EPHA8: variants seen among roughly 807,000 people sequenced by gnomAD.
The protein encoded by EPHA8 is EPH receptor A8.
Under a neutral mutation model 103.6 loss-of-function variants are expected in EPHA8, and 58 were observed. The ratio of observed to expected loss-of-function variants is 0.56; its 90% CI spans 0.45 to 0.70. The LOEUF (loss-of-function observed/expected upper bound fraction) is 0.70, where lower values mean the gene tolerates loss of function less well. Ranked by LOEUF, EPHA8 falls within the 30% of genes least tolerant of loss-of-function variation. The probability of loss-of-function intolerance (pLI) is 0.00; values close to 1 mark genes in which losing one functional copy is unlikely to be tolerated. For missense variants in EPHA8, 1,304 were observed against 1,395.2 expected (o/e 0.93, Z 1.04); for synonymous variants, 559 against 572.5 (o/e 0.98, Z 0.34).
At position 22,597,807 on chromosome 1, in the gene EPHA8, A is replaced by T; in HGVS notation, c.2062A>T (p.Met688Leu). ...RRDFLSEASIMGQFDHPNIIR... is the reference protein window; with the variant it reads ...RRDFLSEASILGQFDHPNIIR... The stretch of plus-strand genomic sequence containing the variant: ...GGACTTCCTGAGCGAGGCGTCCATC[A>T]TGGGGCAATTCGACCATCCCAACAT... Residue 688 changes from methionine (M) to leucine (L), a missense_variant, in exon 11 of 17, where the codon ATG (methionine) becomes TTG (leucine). Coordinates refer to ENST00000166244, the MANE Select transcript of EPHA8 (RefSeq NM_020526.5). The surrounding 1 kb of genome is among the most constrained non-coding windows in gnomAD (Gnocchi z 4.6). The T allele has an allele frequency of 6.2e-7, 1 of 1,613,142 alleles. No individual in the cohort carries two copies. Among genetic ancestry groups the T allele is most frequent in the Non-Finnish European group, 8.5e-7 (1 of 1,179,948 alleles).
Position 22,600,921 on chromosome 1 carries a change from G to T in EPHA8, c.2562G>T (p.Gly854=). 6.2e-7 allele frequency: 1 copy of T among 1,610,128 alleles called. No individual in the cohort carries two copies. The highest frequency in any genetic ancestry group is 8.5e-7 in the Non-Finnish European group (1 of 1,178,326). Reference sequence around the variant, plus strand: ...AGGTCATCAGCTCTGTGGAGGAGGGGTACCGCCTGCCCGCACCCATGGGCT... The same window carrying T: ...AGGTCATCAGCTCTGTGGAGGAGGGTTACCGCCTGCCCGCACCCATGGGCT... ...NRDVISSVEE[G]YRLPAPMGCP... Residue 854 remains glycine, a synonymous_variant, in exon 15 of 17, where the codon GGG becomes GGT. Coordinates refer to ENST00000166244, the MANE Select transcript of EPHA8 (RefSeq NM_020526.5).
intron 3 of EPHA8, among the ~76,000 whole-genome samples, chr1:22,585,046 T>TGCGCGCGC (rs887715708): frequency 6.2e-5 from 7 of 112,436 alleles, no homozygotes; most frequent in African/African-American, 9.7e-5. Context: ...TGTGTGTGTG[T>TGCGCGCGC]GTGTGCGCAC....
At chr1:22,585,259 AG>A (rs1225047481) in intron 3 of EPHA8, among the ~76,000 whole-genome samples, 2 of 152,120 alleles carry the variant, frequency 1.3e-5, no homozygotes, top group Non-Finnish European at 2.9e-5. Flanking sequence ...GCACTAAACA[AG>A]GCTCCAAGTG....
At chr1:22,594,611 G>A (rs1176393215) in intron 7 of EPHA8, among the ~76,000 whole-genome samples, 2 of 152,198 alleles carry the variant, frequency 1.3e-5, no homozygotes, top group Non-Finnish European at 2.9e-5. Flanking sequence ...AGGGTCTCCT[G>A]TATGTGCACC....
chr1:22,591,613 G>C (rs1397669912), intron 5 of EPHA8, among the ~76,000 whole-genome samples: 1 of 152,144 alleles, frequency 6.6e-6, no homozygotes, highest in Non-Finnish European at 1.5e-5. Context: ...ATGCAATTCA[G>C]ACATTCTCAT....
chr1:22,585,521 C>T (rs960280847), intron 3 of EPHA8, among the ~76,000 whole-genome samples: 7 of 152,250 alleles, frequency 4.6e-5, no homozygotes, highest in African/African-American at 1.7e-4. Flanking sequence ...CTTGTTCTCT[C>T]CCTCCCTCCT....
chr1:22,569,476 C>A lies in EPHA8; in HGVS notation c.159+123C>A. 2.0e-6 allele frequency: 2 copies of A among 975,930 alleles called. No individual in the cohort carries two copies. Among genetic ancestry groups the A allele is most frequent in the Non-Finnish European group, 3.0e-6 (2 of 662,720 alleles). 60.5% of individuals were successfully genotyped at this position (975,930 alleles called of 1,614,324 possible). A position where few individuals can be genotyped will look rare whatever the true frequency, so the allele number is the denominator to read the frequency against. On this transcript the variant is annotated intron_variant, in intron 2 of 16. Coordinates refer to ENST00000166244, the MANE Select transcript of EPHA8 (RefSeq NM_020526.5). The surrounding 1 kb of genome is among the most constrained non-coding windows in gnomAD (Gnocchi z 4.5). ...GCCCAGAGAGGTCAAGGGACTTACCCAAGGGCACACAGCAGTTAGTGCTGC... is the reference window on the plus strand; with the variant it reads ...GCCCAGAGAGGTCAAGGGACTTACCAAAGGGCACACAGCAGTTAGTGCTGC...
At chr1:22,592,424 A>T (rs1641398168) in intron 5 of EPHA8, among the ~76,000 whole-genome samples, 1 of 152,178 alleles carries the variant, frequency 6.6e-6, no homozygotes, top group African/African-American at 2.4e-5. Context: ...AGCTAGCAAG[A>T]GAGGGAGCCA....
chr1:22,570,311 T>TACAC (rs1557551083), intron 2 of EPHA8, among the ~76,000 whole-genome samples: 1 of 130,546 alleles, frequency 7.7e-6, no homozygotes, highest in Non-Finnish European at 1.6e-5. Flanking sequence ...CACGTGTGCG[T>TACAC]GTACACACAT....
Position 22,601,014 on chromosome 1 carries a change from C to T in EPHA8, c.2655C>T (p.Phe885=), listed in dbSNP as rs1641711322. The part of the protein sequence containing the change: ...WHKDRAQRPR[F]SQIVSVLDAL... ...AGGACCGGGCGCAGCGGCCTCGCTT[C>T]TCCCAGATTGTCAGTGTCCTCGATG... Residue 885 remains phenylalanine (F), a synonymous_variant, in exon 15 of 17, where the codon TTC becomes TTT. Coordinates refer to ENST00000166244, the MANE Select transcript of EPHA8 (RefSeq NM_020526.5). The T allele has an allele frequency of 6.2e-7, 1 of 1,612,844 alleles. No homozygotes were observed. The highest frequency in any genetic ancestry group is 1.7e-5 in the Admixed American group (1 of 60,000).
chr1:22,597,973 G>A lies in EPHA8; in HGVS notation c.2116+112G>A. ...CTGCCCCACCTGACCCTGTCCTCTT[G>A]GTTCAGGTCCCTGAATGACTCGGGG... On this transcript the variant is annotated intron_variant, in intron 11 of 16. Coordinates refer to ENST00000166244, the MANE Select transcript of EPHA8 (RefSeq NM_020526.5). The surrounding 1 kb of genome is among the most constrained non-coding windows in gnomAD (Gnocchi z 4.6). The A allele has an allele frequency of 1.4e-6, 2 of 1,473,804 alleles. No individual in the cohort carries two copies. The highest frequency in any genetic ancestry group is 1.9e-6 in the Non-Finnish European group (2 of 1,074,472). The allele number at this position is 1,473,804 out of a possible 1,614,324, so 91.3% of individuals were successfully genotyped here. A position where few individuals can be genotyped will look rare whatever the true frequency, so the allele number is the denominator to read the frequency against.
chr1:22,569,490 A>T lies in EPHA8; in HGVS notation c.159+137A>T. On this transcript the variant is annotated intron_variant, in intron 2 of 16. Transcript: ENST00000166244. The surrounding 1 kb of genome is among the most constrained non-coding windows in gnomAD (Gnocchi z 4.5). The stretch of plus-strand genomic sequence containing the variant: ...AGGGACTTACCCAAGGGCACACAGC[A>T]GTTAGTGCTGCTGATCTCTTAACAG... 1 of 860,118 alleles carries T rather than the reference A, an allele frequency of 1.2e-6. No homozygotes were observed. Among genetic ancestry groups the T allele is most frequent in the Non-Finnish European group, 1.8e-6 (1 of 561,558 alleles). 53.3% of individuals were successfully genotyped at this position (860,118 alleles called of 1,614,324 possible).
In EPHA8 at chr1:22,567,554, C is replaced by T. The variant is rs758364805; in HGVS notation, c.95-1735C>T. Among the ~76,000 whole-genome samples the T allele has an allele frequency of 2.6e-5, 4 of 152,038 alleles. No homozygotes were observed. Among genetic ancestry groups the T allele is most frequent in the Non-Finnish European group, 4.4e-5 (3 of 67,988 alleles). ...CCAGGGAGGAATGCAGGGAGGAGCGCGGAGACCCCCTCCCTAGTTCTGCCA... is the reference window on the plus strand; with the variant it reads ...CCAGGGAGGAATGCAGGGAGGAGCGTGGAGACCCCCTCCCTAGTTCTGCCA... On this transcript the variant is annotated intron_variant, in intron 1 of 16. Coordinates refer to ENST00000166244, the MANE Select transcript of EPHA8 (RefSeq NM_020526.5). This position sits in a 1 kb window ranked among gnomAD's most constrained non-coding sequence, Gnocchi z 4.2.
chr1:22,579,443 TGA>T (rs1307296100), intron 3 of EPHA8, among the ~76,000 whole-genome samples: 1 of 151,838 alleles, frequency 6.6e-6, no homozygotes, highest in Non-Finnish European at 1.5e-5. Context: ...CATGTGTGCA[TGA>T]GTGTATGTGT....
intron 5 of EPHA8, among the ~76,000 whole-genome samples, chr1:22,591,964 G>A (rs563579826): frequency 2.0e-5 from 3 of 152,074 alleles, no homozygotes; most frequent in Non-Finnish European, 4.4e-5. Flanking sequence ...TTTATTGGAC[G>A]CCCTGTCTCC....
intron 3 of EPHA8, among the ~76,000 whole-genome samples, chr1:22,581,120 T>G (rs1159197183): frequency 1.3e-5 from 2 of 152,218 alleles, no homozygotes; most frequent in Non-Finnish European, 2.9e-5. Context: ...TAGTCCCATT[T>G]TACTGATAAG....
intron 7 of EPHA8, among the ~76,000 whole-genome samples, chr1:22,594,472 T>G (rs1238974355): frequency 6.6e-6 from 1 of 152,210 alleles, no homozygotes; most frequent in Non-Finnish European, 1.5e-5. Context: ...TCAGAAACTC[T>G]GTGGGTGGGC....
intron 4 of EPHA8, among the ~76,000 whole-genome samples, chr1:22,587,531 A>G (rs1641250951): frequency 6.6e-6 from 1 of 152,052 alleles, no homozygotes. Context: ...TGACTGTCCT[A>G]CCTTCTGCTG....
Position 22,589,128 on chromosome 1 carries a change from G to A in EPHA8, c.1237G>A (p.Glu413Lys), listed in dbSNP as rs780221031. ...CCACATGAACTACTCCTTCTGGATCGAGGCCGTCAATGGCGTGTCCGACCT... is the reference window on the plus strand; with the variant it reads ...CCACATGAACTACTCCTTCTGGATCAAGGCCGTCAATGGCGTGTCCGACCT... ...LAHMNYSFWI[E>K]AVNGVSDLSP... Residue 413 changes from glutamate (E) to lysine (K), a missense_variant, in exon 5 of 17, where the codon GAG (glutamate) becomes AAG (lysine). Physicochemically the swap from Glu to Lys is moderately conservative, Grantham distance 56. Coordinates refer to ENST00000166244, the MANE Select transcript of EPHA8 (RefSeq NM_020526.5). This position sits in a 1 kb window ranked among gnomAD's most constrained non-coding sequence, Gnocchi z 4.3. The A allele has an allele frequency of 1.5e-5, 24 of 1,613,708 alleles. No individual in the cohort carries two copies. Among genetic ancestry groups the A allele is most frequent in the South Asian group, 3.3e-5 (3 of 91,074 alleles).
Sources: allele counts gnomAD v4.1 joint callset (sites outside exome capture counted in the v4.1 genomes callset), GRCh38; gene constraint gnomAD v4.1.1; non-coding constraint Gnocchi (gnomAD v3.1); transcripts MANE v1.5; gene names NCBI Gene and HGNC (gene_info 2026-07-23, HGNC 2026-07-21).